LEF1: variants seen among roughly 807,000 people sequenced by gnomAD.
LEF1 encodes lymphoid enhancer-binding factor 1.
A neutral mutation model predicts 51.2 loss-of-function variants in LEF1; 14 were observed. That is an observed-to-expected ratio of 0.27 (90% CI 0.18 to 0.43). The LOEUF is 0.43. Among genes scored for constraint, LEF1 ranks in the 20% least tolerant of loss-of-function variants. The pLI is 1.00. For missense variants in LEF1, 386 were observed against 512.0 expected (o/e 0.75, Z 2.37); for synonymous variants, 185 against 183.2 (o/e 1.01, Z -0.08).
At chr4:108,091,571 A>G (rs1401369921) in intron 3 of LEF1, among the ~76,000 whole-genome samples, 4 of 152,076 alleles carry the variant, frequency 2.6e-5, no homozygotes, top group Admixed American at 6.6e-5. Flanking sequence ...CATAGCTCAT[A>G]TAGCTTTTTT....
chr4:108,049,329 A>G (rs10488944), intron 11 of LEF1, among the ~76,000 whole-genome samples: 28,550 of 152,138 alleles, frequency 0.19, 3,653 homozygotes, highest in African/African-American at 0.36. Context: ...CCTAACATCA[A>G]GGATCTCTAA....
At chr4:108,061,367 A>G (rs1176382817) in intron 11 of LEF1, among the ~76,000 whole-genome samples, 2 of 152,224 alleles carry the variant, frequency 1.3e-5, no homozygotes, top group African/African-American at 2.4e-5. Flanking sequence ...ACACTTTAGG[A>G]CAAAAATAGC....
chr4:108,160,402 T>A (rs1263744888), intron 3 of LEF1, among the ~76,000 whole-genome samples: 1 of 152,204 alleles, frequency 6.6e-6, no homozygotes. Context: ...CTGCATCTTC[T>A]CTTCACTCTC....
intron 3 of LEF1, among the ~76,000 whole-genome samples, chr4:108,155,606 A>T (rs545334157): frequency 3.9e-5 from 6 of 152,202 alleles, no homozygotes; most frequent in Non-Finnish European, 8.8e-5. Context: ...GGCCCAAGGC[A>T]CTGACTTACA....
intron 3 of LEF1, among the ~76,000 whole-genome samples, chr4:108,156,268 G>A (rs1348020423): frequency 6.6e-6 from 1 of 152,038 alleles, no homozygotes; most frequent in East Asian, 1.9e-4. Flanking sequence ...TATTCCAGTA[G>A]TGCACTCCCC....
intron 5 of LEF1, among the ~76,000 whole-genome samples, chr4:108,082,455 C>T (rs148792439): frequency 6.6e-6 from 1 of 152,192 alleles, no homozygotes; most frequent in East Asian, 1.9e-4. Context: ...CTGGATTGTC[C>T]ATGGCAGGAT....
intron 11 of LEF1, among the ~76,000 whole-genome samples, chr4:108,063,257 C>T (rs1378505136): frequency 2.0e-5 from 3 of 152,112 alleles, no homozygotes; most frequent in Non-Finnish European, 2.9e-5. Flanking sequence ...CTCAAACCCA[C>T]CCTGGATTTG....
At chr4:108,161,694 C>T (rs1336866041) in intron 3 of LEF1, among the ~76,000 whole-genome samples, 1 of 152,004 alleles carries the variant, frequency 6.6e-6, no homozygotes, top group African/African-American at 2.4e-5. Flanking sequence ...CTTATAAATA[C>T]CAATAAATTT....
At chr4:108,160,888 G>A (rs975033685) in intron 3 of LEF1, among the ~76,000 whole-genome samples, 7 of 152,110 alleles carry the variant, frequency 4.6e-5, no homozygotes, top group African/African-American at 1.7e-4. Flanking sequence ...GGAAGGAGTG[G>A]TCAGGTCCCT....
Position 108,156,706 on chromosome 4 carries a change from T to A in LEF1, c.414+6862A>T, listed in dbSNP as rs530310442. Among the ~76,000 whole-genome samples the A allele has an allele frequency of 3.3e-5, 5 of 152,312 alleles. No individual in the cohort carries two copies. In the East Asian group the frequency reaches 9.6e-4, roughly 29 times the overall value. ...ATGATTAACTATCATCAACATTTTT[T>A]ATAATTTTTATTGTAAGGTTTCCAG... is the stretch of plus-strand genomic sequence containing the variant. On this transcript the variant is annotated intron_variant, in intron 3 of 11. Transcript: ENST00000265165.
At chr4:108,130,280 A>G (rs1205855108) in intron 3 of LEF1, among the ~76,000 whole-genome samples, 2 of 152,228 alleles carry the variant, frequency 1.3e-5, no homozygotes, top group African/African-American at 4.8e-5. Flanking sequence ...AAATGAGACC[A>G]TTAAGAGTTT....
chr4:108,087,563 TTGAAC>T (rs1739732151), intron 4 of LEF1, among the ~76,000 whole-genome samples: 1 of 152,126 alleles, frequency 6.6e-6, no homozygotes, highest in East Asian at 1.9e-4. Context: ...TATTAAAAAA[TTGAAC>T]TGTCCTATTA....
intron 3 of LEF1, among the ~76,000 whole-genome samples, chr4:108,120,089 T>C (rs1191267263): frequency 1.3e-5 from 2 of 151,646 alleles, no homozygotes; most frequent in African/African-American, 2.4e-5. Context: ...TGGAGTGCAG[T>C]GGTGTGATCA....
chr4:108,166,424 T>C (rs2110430141), intron 1 of LEF1: 1 of 1,419,566 alleles, frequency 7.0e-7, no homozygotes, highest in Non-Finnish European at 9.2e-7. Context: ...CAAGTTTCTT[T>C]GGAGGGAAAA....
chr4:108,054,494 A>G (rs115503552), intron 11 of LEF1, among the ~76,000 whole-genome samples: 2,595 of 152,270 alleles, frequency 0.017, 45 homozygotes, highest in African/African-American at 0.039. Context: ...TCCACCCCAC[A>G]ATGGGGCTGC....
intron 4 of LEF1, among the ~76,000 whole-genome samples, chr4:108,087,202 CT>C (rs1438969058): frequency 6.6e-6 from 1 of 152,052 alleles, no homozygotes; most frequent in Non-Finnish European, 1.5e-5. Context: ...GAAGTGAGTG[CT>C]TTTTTCAAAT....
chr4:108,050,553 T>C (rs1309416130), intron 11 of LEF1, among the ~76,000 whole-genome samples: 1 of 152,192 alleles, frequency 6.6e-6, no homozygotes, highest in East Asian at 1.9e-4. Flanking sequence ...TAGCAGAGCC[T>C]GGGGTGGGAG....
At chr4:108,071,246 C>T (rs1738457527) in intron 8 of LEF1, among the ~76,000 whole-genome samples, 1 of 152,138 alleles carries the variant, frequency 6.6e-6, no homozygotes, top group South Asian at 2.1e-4. Context: ...CCCATTTTGT[C>T]ATATGAAGAG....
intron 3 of LEF1, among the ~76,000 whole-genome samples, chr4:108,142,809 A>G (rs1743756487): frequency 6.6e-6 from 1 of 152,224 alleles, no homozygotes; most frequent in African/African-American, 2.4e-5. Context: ...TTACATTCAC[A>G]TTGAAATGAC....
Sources: allele counts gnomAD v4.1 joint callset (sites outside exome capture counted in the v4.1 genomes callset), GRCh38; gene constraint gnomAD v4.1.1; transcripts MANE v1.5; gene names NCBI Gene and HGNC (gene_info 2026-07-23, HGNC 2026-07-21).